The following DCDC2 variants were observed in gnomAD, a reference collection of about 807,000 sequenced individuals.
DCDC2 encodes the protein doublecortin domain containing 2.
A neutral mutation model predicts 50.2 loss-of-function variants in DCDC2; 40 were observed. That is an observed-to-expected ratio of 0.80 (90% confidence interval 0.62 to 1.04). The LOEUF (loss-of-function observed/expected upper bound fraction) is 1.04, where lower values mean the gene tolerates loss of function less well. Ranked by LOEUF, DCDC2 falls within the 50% of genes least tolerant of loss-of-function variation. DCDC2 has a pLI of 0.00. For missense variants in DCDC2, 570 were observed against 581.9 expected (o/e 0.98, Z 0.21); for synonymous variants, 234 against 210.6 (o/e 1.11, Z -0.96).
intron 7 of DCDC2, among the ~76,000 whole-genome samples, chr6:24,247,318 T>C (rs1762699575): frequency 6.6e-6 from 1 of 150,936 alleles, no homozygotes; most frequent in African/African-American, 2.4e-5. Context: ...GATATATATA[T>C]ACATATTTAA....
chr6:24,296,441 C>A (rs756867781), intron 4 of DCDC2, among the ~76,000 whole-genome samples: 11 of 152,012 alleles, frequency 7.2e-5, no homozygotes, highest in Non-Finnish European at 1.3e-4. Context: ...ACAAAGACAC[C>A]AAAAGCAATC....
At chr6:24,283,856 A>G (rs916116924) in intron 6 of DCDC2, among the ~76,000 whole-genome samples, 3 of 152,206 alleles carry the variant, frequency 2.0e-5, no homozygotes, top group African/African-American at 7.2e-5. Flanking sequence ...AGAACCTACC[A>G]GGCACTGGGC....
chr6:24,226,068 T>C (rs970199903), intron 7 of DCDC2, among the ~76,000 whole-genome samples: 1 of 152,328 alleles, frequency 6.6e-6, no homozygotes, highest in East Asian at 1.9e-4. Context: ...ATCAGCATTA[T>C]GTAAGGATAA....
intron 2 of DCDC2, among the ~76,000 whole-genome samples, chr6:24,342,488 G>A (rs374670860): frequency 1.1e-4 from 17 of 152,170 alleles, no homozygotes; most frequent in East Asian, 1.9e-4. Context: ...GCTGGGCAGC[G>A]CTCCTTCTGG....
At chr6:24,306,040 A>G (rs1759467431) in intron 2 of DCDC2, among the ~76,000 whole-genome samples, 1 of 151,954 alleles carries the variant, frequency 6.6e-6, no homozygotes, top group Non-Finnish European at 1.5e-5. Context: ...AAAAAAAAAG[A>G]AAGGAAAGAA....
intron 7 of DCDC2, among the ~76,000 whole-genome samples, chr6:24,217,320 T>C (rs955181926): frequency 1.3e-5 from 2 of 152,184 alleles, no homozygotes; most frequent in Non-Finnish European, 2.9e-5. Flanking sequence ...GGACTGGATA[T>C]GTGTTTTCAA....
chr6:24,308,416 C>T (rs1759512505), intron 2 of DCDC2, among the ~76,000 whole-genome samples: 1 of 152,212 alleles, frequency 6.6e-6, no homozygotes, highest in African/African-American at 2.4e-5. Flanking sequence ...ATAAGATCAG[C>T]TCCTTTCCCT....
chr6:24,301,667 C>A, intron 4 of DCDC2, 48 bp downstream of exon 4: 1 of 1,604,810 alleles, frequency 6.2e-7, no homozygotes, highest in East Asian at 2.2e-5. Context: ...CTGAGAATAT[C>A]TTCAACAATT....
intron 7 of DCDC2, among the ~76,000 whole-genome samples, chr6:24,206,647 C>G (rs1313152986): frequency 6.6e-6 from 1 of 152,158 alleles, no homozygotes; most frequent in African/African-American, 2.4e-5. Context: ...AAATGTTTAA[C>G]TGTATCCAAG....
chr6:24,224,067 A>G (rs1237447465), intron 7 of DCDC2, among the ~76,000 whole-genome samples: 2 of 150,172 alleles, frequency 1.3e-5, no homozygotes, highest in African/African-American at 5.0e-5. Flanking sequence ...CCCTCTCAAG[A>G]CAGAAAAAAA....
Position 24,178,574 on chromosome 6 carries a change from TC to T in DCDC2, c.1081del (p.Glu361AsnfsTer9), listed in dbSNP as rs1561878858. 3.7e-6 allele frequency: 6 copies of T among 1,614,118 alleles called. No individual in the cohort carries two copies. Among genetic ancestry groups the T allele is most frequent in the Non-Finnish European group, 5.1e-6 (6 of 1,180,008 alleles). On this transcript the variant is annotated frameshift_variant, in exon 9 of 10. Coordinates refer to ENST00000378454, the MANE Select transcript of DCDC2 (RefSeq NM_016356.5). LOFTEE classifies it high-confidence loss of function. Reference protein sequence around the residue: ...EDGEKANKDAEQKEDFSGMNG... With the variant: ...EDGEKANKDAXQKEDFSGMNG... Reference sequence around the variant, plus strand: ...CATTCCTGAAAAGTCTTCTTTCTGTTCTGCATCCTTGTTTGCCTTCTCTCCA... The same window carrying T: ...CATTCCTGAAAAGTCTTCTTTCTGTTTGCATCCTTGTTTGCCTTCTCTCCA...
At chr6:24,184,402 C>T (rs1389224323) in intron 8 of DCDC2, among the ~76,000 whole-genome samples, 1 of 151,884 alleles carries the variant, frequency 6.6e-6, no homozygotes, top group Non-Finnish European at 1.5e-5. Context: ...GATGAAACCC[C>T]GTCTCTACTA....
chr6:24,203,911 A>C (rs1761646590), intron 8 of DCDC2, among the ~76,000 whole-genome samples: 1 of 152,248 alleles, frequency 6.6e-6, no homozygotes, highest in South Asian at 2.1e-4. Context: ...TGGTCATTAG[A>C]AAAATGTAAA....
At position 24,353,817 on chromosome 6, in the gene DCDC2, T is replaced by C. The variant is rs3765502; in HGVS notation, c.294-194A>G. On this transcript the variant is annotated intron_variant, in intron 1 of 9. Coordinates refer to ENST00000378454, the MANE Select transcript of DCDC2 (RefSeq NM_016356.5). ...AGTGTCACCAACCAGAGCTGACATA[T>C]GTCTACCCTAAACTTCAAGAGAAGG... Among the ~76,000 whole-genome samples the C allele has an allele frequency of 0.1, 15,858 of 152,262 alleles. 1,342 individuals carry two copies. Among genetic ancestry groups the C allele is most frequent in the East Asian group, 0.39 (2,041 of 5,180 alleles).
intron 7 of DCDC2, among the ~76,000 whole-genome samples, chr6:24,208,652 G>C (rs1371085393): frequency 6.6e-6 from 1 of 152,162 alleles, no homozygotes; most frequent in Non-Finnish European, 1.5e-5. Flanking sequence ...TTACAGGCAT[G>C]AGCCACTGTG....
At chr6:24,204,079 C>G (rs1388100894) in intron 8 of DCDC2, among the ~76,000 whole-genome samples, 3 of 152,048 alleles carry the variant, frequency 2.0e-5, no homozygotes, top group African/African-American at 4.8e-5. Context: ...GACAATGTGG[C>G]GATACCTCAA....
intron 7 of DCDC2, among the ~76,000 whole-genome samples, chr6:24,246,142 G>T (rs1489771792): frequency 1.3e-5 from 2 of 151,784 alleles, no homozygotes; most frequent in African/African-American, 4.8e-5. Flanking sequence ...ATACATTTAA[G>T]AAAATCACCA....
At chr6:24,371,960 A>AAGG in the DCDC2 span, among the ~76,000 whole-genome samples, 1 of 152,160 alleles carries the variant, frequency 6.6e-6, no homozygotes, top group East Asian at 1.9e-4. Context: ...GATCATTAAA[A>AAGG]AGGAAACAAC....
upstream of DCDC2, among the ~76,000 whole-genome samples, chr6:24,360,002 C>A (rs2753916): frequency 0.44 from 67,156 of 152,086 alleles, 16,218 homozygotes; most frequent in Non-Finnish European, 0.54. Context: ...AGCTCGGGCG[C>A]CGGCCGCGCG....
Sources: allele counts gnomAD v4.1 joint callset (sites outside exome capture counted in the v4.1 genomes callset), GRCh38; gene constraint gnomAD v4.1.1; transcripts MANE v1.5; gene names NCBI Gene and HGNC (gene_info 2026-07-23, HGNC 2026-07-21).